Variants in JHY observed in about 807,000 individuals in gnomAD.
The protein encoded by JHY is junctional cadherin complex regulator.
JHY carries 69 observed loss-of-function variants against 78.0 expected under a neutral mutation model. That is an observed-to-expected ratio of 0.88 (90% confidence interval 0.73 to 1.08). JHY has a LOEUF of 1.08. Ranked by LOEUF, JHY falls within the 50% of genes least tolerant of loss-of-function variation. JHY has a pLI of 0.00. For synonymous variants in JHY, 368 were observed against 342.6 expected, an observed-to-expected ratio of 1.07 and a Z score of -0.82; for missense variants, 944 against 927.8, an observed-to-expected ratio of 1.02 and a Z score of -0.23.
chr11:122,913,768 C>T (rs1863179087), intron 3 of JHY, among the ~76,000 whole-genome samples: 2 of 152,202 alleles, frequency 1.3e-5, no homozygotes, highest in African/African-American at 4.8e-5. Context: ...ACTGCACTGT[C>T]TGCATCATGT....
intron 3 of JHY, among the ~76,000 whole-genome samples, chr11:122,916,217 T>C (rs1863231401): frequency 1.3e-5 from 2 of 151,960 alleles, no homozygotes; most frequent in Non-Finnish European, 2.9e-5. Flanking sequence ...AAATGATAAA[T>C]ACTCGAGGTG....
At chr11:122,908,817 G>A (rs1451547212) in intron 3 of JHY, among the ~76,000 whole-genome samples, 2 of 152,152 alleles carry the variant, frequency 1.3e-5, no homozygotes, top group African/African-American at 4.8e-5. Flanking sequence ...TCCTGCCTCA[G>A]CCTCCAGAGC....
chr11:122,958,548 G>T (rs7103345), intron 8 of JHY: 94,613 of 180,364 alleles, frequency 0.52, 25,466 homozygotes, highest in African/African-American at 0.58. Context: ...ATTTTAGAGG[G>T]TTTTTTTTTC....
At chr11:122,954,103 A>G (rs905724382) in intron 6 of JHY, among the ~76,000 whole-genome samples, 2 of 152,234 alleles carry the variant, frequency 1.3e-5, no homozygotes, top group African/African-American at 4.8e-5. Flanking sequence ...TTCTTCTTAC[A>G]TACAATTAGT....
At chr11:122,914,847 T>C (rs954717362) in intron 3 of JHY, among the ~76,000 whole-genome samples, 2 of 152,190 alleles carry the variant, frequency 1.3e-5, no homozygotes, top group African/African-American at 4.8e-5. Flanking sequence ...TTTTCTTATT[T>C]TGCCCTCTGC....
intron 5 of JHY, among the ~76,000 whole-genome samples, chr11:122,941,149 GA>G (rs1863867868): frequency 6.6e-6 from 1 of 152,152 alleles, no homozygotes; most frequent in Non-Finnish European, 1.5e-5. Context: ...TTTTAGTAGG[GA>G]ATGGAATTTA....
chr11:122,954,064 T>A (rs1456278317), intron 6 of JHY, among the ~76,000 whole-genome samples: 1 of 152,204 alleles, frequency 6.6e-6, no homozygotes, highest in African/African-American at 2.4e-5. Context: ...ACAATTACCA[T>A]TTACAGTGAT....
chr11:122,907,145 C>T (rs969041368), intron 3 of JHY, among the ~76,000 whole-genome samples: 1 of 152,104 alleles, frequency 6.6e-6, no homozygotes, highest in African/African-American at 2.4e-5. Context: ...GCATCACTGA[C>T]CTGGCTTCCT....
chr11:122,925,141 G>A, intron 4 of JHY, 131 bp downstream of exon 4: 1 of 718,024 alleles, frequency 1.4e-6, no homozygotes, highest in Non-Finnish European at 2.3e-6. Flanking sequence ...TTTCCTATGG[G>A]TAAGACTGGC....
chr11:122,945,732 G>A (rs1195659306), intron 5 of JHY, among the ~76,000 whole-genome samples: 1 of 152,154 alleles, frequency 6.6e-6, no homozygotes, highest in Non-Finnish European at 1.5e-5. Flanking sequence ...TTGGATTTCC[G>A]TGATTATGTG....
intron 2 of JHY, among the ~76,000 whole-genome samples, chr11:122,903,341 T>C (rs1862903143): frequency 6.6e-6 from 1 of 152,392 alleles, no homozygotes; most frequent in East Asian, 1.9e-4. Flanking sequence ...TTCAGTTGTC[T>C]TCTGACACTT....
At chr11:122,946,855 T>C in intron 6 of JHY, 63 bp downstream of exon 6, 3 of 1,533,838 alleles carry the variant, frequency 2.0e-6, no homozygotes, top group Non-Finnish European at 2.6e-6. Flanking sequence ...TGGACCTTGA[T>C]GTAATTATAG....
intron 3 of JHY, among the ~76,000 whole-genome samples, chr11:122,906,311 G>A (rs1010451799): frequency 2.6e-5 from 4 of 151,790 alleles, no homozygotes; most frequent in East Asian, 1.9e-4. Context: ...CCTCAGCCTC[G>A]GCGAGTAGCT....
chr11:122,902,779 G>A (rs1862889117), intron 2 of JHY, among the ~76,000 whole-genome samples: 1 of 152,146 alleles, frequency 6.6e-6, no homozygotes, highest in Non-Finnish European at 1.5e-5. Flanking sequence ...AACCAAGGGT[G>A]GATGGTGCTT....
chr11:122,926,187 C>CAA (rs574945272), intron 4 of JHY, among the ~76,000 whole-genome samples: 5,026 of 39,496 alleles, frequency 0.13, 192 homozygotes, highest in Non-Finnish European at 0.15. Context: ...GACTCCATCT[C>CAA]AAAAAAAAAA....
At chr11:122,908,780 C>T (rs1316119964) in intron 3 of JHY, among the ~76,000 whole-genome samples, 1 of 152,146 alleles carries the variant, frequency 6.6e-6, no homozygotes, top group African/African-American at 2.4e-5. Flanking sequence ...CTCATTGCAG[C>T]CTCCGCCTCC....
intron 3 of JHY, among the ~76,000 whole-genome samples, chr11:122,911,188 T>C (rs1863117027): frequency 6.6e-6 from 1 of 152,180 alleles, no homozygotes; most frequent in Non-Finnish European, 1.5e-5. Flanking sequence ...CTGATGAAGG[T>C]GAAATTTAGT....
At chr11:122,927,674 T>C (rs1863537539) in intron 4 of JHY, among the ~76,000 whole-genome samples, 1 of 152,120 alleles carries the variant, frequency 6.6e-6, no homozygotes, top group African/African-American at 2.4e-5. Context: ...GGGCCTGCCA[T>C]ATTGGGCCGT....
chr11:122,957,629 A>G (rs1864220895), intron 8 of JHY, 138 bp downstream of exon 8: 1 of 920,100 alleles, frequency 1.1e-6, no homozygotes, highest in Non-Finnish European at 1.5e-6. Flanking sequence ...TCCTGGGCTC[A>G]AGCTATCCTC....
Sources: allele counts gnomAD v4.1 joint callset (sites outside exome capture counted in the v4.1 genomes callset), GRCh38; gene constraint gnomAD v4.1.1; transcripts MANE v1.5; gene names NCBI Gene and HGNC (gene_info 2026-07-23, HGNC 2026-07-21).